The following NEU3 variants were observed in gnomAD, a reference collection of about 807,000 sequenced individuals.
The protein encoded by NEU3 is neuraminidase 3, also known as sialidase-3.
Under a neutral mutation model 11.4 loss-of-function variants are expected in NEU3, and 10 were observed. The observed-to-expected ratio is 0.88, with a 90% CI of 0.54 to 1.49. The LOEUF (loss-of-function observed/expected upper bound fraction) is 1.49, where lower values mean the gene tolerates loss of function less well. NEU3 is among the 40% of genes most tolerant of loss of function. The pLI, the probability that NEU3 is intolerant of heterozygous loss-of-function variation, is 0.00. For missense variants in NEU3, 529 were observed against 581.8 expected (o/e 0.91, Z 0.93); for synonymous variants, 212 against 228.2 (o/e 0.93, Z 0.64).
chr11:74,994,026 A>T (rs2140236839), intron 1 of NEU3, among the ~76,000 whole-genome samples: 1 of 152,322 alleles, frequency 6.6e-6, no homozygotes, highest in East Asian at 1.9e-4. Flanking sequence ...TAGGAAAAAA[A>T]AAAATTCTCC....
chr11:75,005,440 G>A lies in NEU3; in HGVS notation c.334G>A (p.Ala112Thr). The change falls in exon 3 of 3, where the codon GCC becomes ACC. Residue 112 changes from alanine to threonine, a missense_variant. Transcript: ENST00000294064. ...QWGPLKPLME[A>T]TLPGHRTMNP... ...GGGGCCCCTGAAGCCACTGATGGAA[G>A]CCACACTACCGGGGCATCGGACCAT... 1 of 1,612,250 alleles carries A rather than the reference G, an allele frequency of 6.2e-7. No homozygotes were observed. Among genetic ancestry groups the A allele is most frequent in the Non-Finnish European group, 8.5e-7 (1 of 1,178,758 alleles).
intron 2 of NEU3, 53 bp from the exon 3 acceptor site, chr11:75,005,360 T>C: frequency 6.8e-7 from 1 of 1,465,524 alleles, no homozygotes; most frequent in Non-Finnish European, 9.1e-7. Flanking sequence ...TTAATGAGCT[T>C]CATGTTTTCC....
Position 74,994,510 on chromosome 11 carries a change from G to A in NEU3, c.96G>A (p.Glu32=). The change falls in exon 2 of 3, where the codon GAG becomes GAA. Residue 32 remains glutamate, a splice_region_variant and synonymous_variant. Transcript: ENST00000294064. ...TETEEPGSSA[E]VMEEVTTCSF... is the part of the protein sequence containing the mutation. ...TTAAGCTTCCTTCTATCCTTGCAGA[G>A]GTCATGGAAGAAGTGACAACATGCT... The A allele has an allele frequency of 6.2e-7, 1 of 1,605,568 alleles. No individual in the cohort carries two copies. Among genetic ancestry groups the A allele is most frequent in the Non-Finnish European group, 8.5e-7 (1 of 1,174,934 alleles).
chr11:75,016,210 C>T (rs1262802473), intron 3 of NEU3, among the ~76,000 whole-genome samples: 1 of 152,204 alleles, frequency 6.6e-6, no homozygotes, highest in Admixed American at 6.5e-5. Flanking sequence ...TTGTACCCAT[C>T]ATCCAGACAA....
At chr11:74,994,345 G>T (rs949694726) in intron 1 of NEU3, among the ~76,000 whole-genome samples, 164 bp from the exon 2 acceptor site, 1 of 152,196 alleles carries the variant, frequency 6.6e-6, no homozygotes, top group Admixed American at 6.5e-5. Context: ...TATATTGCTT[G>T]CTTTGTGCTA....
rs963822880 is a variant in NEU3 at position 75,017,480 on chromosome 11, G to A, written c.*2-1211G>A. On this transcript the variant is annotated intron_variant, in intron 3 of 3. Transcript: ENST00000529024. ...GGCCTGAAATCCAGCCAAGAGTGGAGCTCCCAGCCCTTGCAATTATAAGGC... is the reference window on the plus strand; with the variant it reads ...GGCCTGAAATCCAGCCAAGAGTGGAACTCCCAGCCCTTGCAATTATAAGGC... Among the ~76,000 whole-genome samples the A allele has an allele frequency of 1.2e-4, 18 of 152,224 alleles. 2 individuals are homozygous for A. The highest frequency in any genetic ancestry group is 1.1e-3 in the Admixed American group (17 of 15,288).
chr11:74,996,796 T>C (rs1201689641), intron 2 of NEU3, among the ~76,000 whole-genome samples: 1 of 152,266 alleles, frequency 6.6e-6, no homozygotes, highest in Non-Finnish European at 1.5e-5. Flanking sequence ...ATCCGTGGGC[T>C]ACAGAATGGA....
Position 74,989,125 on chromosome 11 carries a change from C to T in NEU3, c.65C>T (p.Thr22Ile). ...EESPASSSAP[T>I]ETEEPGSSAE... The stretch of plus-strand genomic sequence containing the variant: ...TCCCCGGCGTCCAGCTCTGCCCCGA[C>T]AGAGACGGAGGAGCCGGGGTCCAGT... Residue 22 changes from threonine (T) to isoleucine (I), a missense_variant, in exon 1 of 3, where the codon ACA (threonine) becomes ATA (isoleucine). Thr to Ile is a moderately conservative substitution (Grantham distance 89). Coordinates refer to ENST00000294064, the MANE Select transcript of NEU3 (RefSeq NM_006656.6). 6.4e-7 allele frequency: 1 copy of T among 1,551,222 alleles called. No homozygotes were observed. The highest frequency in any genetic ancestry group is 1.4e-5 in the African/African-American group (1 of 73,160).
chr11:74,995,490 G>A (rs542571205), intron 2 of NEU3, among the ~76,000 whole-genome samples: 29 of 152,134 alleles, frequency 1.9e-4, no homozygotes, highest in Non-Finnish European at 3.8e-4. Flanking sequence ...ATAGGCATAC[G>A]TCGGAGATAT....
At chr11:75,000,271 C>A (rs1948829407) in intron 2 of NEU3, among the ~76,000 whole-genome samples, 1 of 152,106 alleles carries the variant, frequency 6.6e-6, no homozygotes, top group African/African-American at 2.4e-5. Context: ...ATTTTACCAT[C>A]CTAACCATTT....
At chr11:75,003,928 T>G (rs186416792) in intron 2 of NEU3, among the ~76,000 whole-genome samples, 80 of 152,176 alleles carry the variant, frequency 5.3e-4, no homozygotes, top group African/African-American at 1.8e-3. Context: ...TATCACTATA[T>G]ATGGAAAAAA....
chr11:74,982,231 A>G, the NEU3 span, among the ~76,000 whole-genome samples: 3 of 152,188 alleles, frequency 2.0e-5, no homozygotes, highest in African/African-American at 7.2e-5. Flanking sequence ...CGTTCTCCTT[A>G]TGGCCTACAC....
chr11:74,998,752 A>C (rs946602777), intron 2 of NEU3, among the ~76,000 whole-genome samples: 16 of 152,028 alleles, frequency 1.1e-4, no homozygotes, highest in Non-Finnish European at 1.9e-4. Flanking sequence ...GAAGTTTTTT[A>C]CTTTGTGGGA....
intron 1 of NEU3, 50 bp from the exon 2 acceptor site, chr11:74,994,459 G>A: frequency 4.9e-6 from 7 of 1,432,132 alleles, no homozygotes; most frequent in Non-Finnish European, 4.7e-6. Flanking sequence ...TTTATATGCA[G>A]GCCAGCATCT....
chr11:74,990,087 G>A (rs906069439), intron 1 of NEU3: 10 of 679,432 alleles, frequency 1.5e-5, no homozygotes, highest in Admixed American at 8.6e-5. Context: ...TGATAATAAA[G>A]CATAAATGAA....
upstream of NEU3, among the ~76,000 whole-genome samples, chr11:74,987,775 T>C (rs1025905034): frequency 6.6e-6 from 1 of 151,644 alleles, no homozygotes; most frequent in African/African-American, 2.4e-5. Flanking sequence ...ATGACGCCAC[T>C]GCACTCCAGC....
At position 74,994,394 on chromosome 11, in the gene NEU3, A is replaced by C. The variant is rs1257412874; in HGVS notation, c.95-115A>C. ...TTATTCTTGTATAAAGAAACATTTG[A>C]ATATATCTGTGCCCCCCCACCTTTG... On this transcript the variant is annotated intron_variant, in intron 1 of 2. Transcript: ENST00000294064. 3 of 675,860 alleles carry C rather than the reference A, an allele frequency of 4.4e-6. No homozygotes were observed. The African/African-American group carries it at 5.4e-5, about 12-fold the overall frequency. The allele number at this position is 675,860 out of a possible 1,614,324, so 41.9% of individuals were successfully genotyped here. A position where few individuals can be genotyped will look rare whatever the true frequency, so the allele number is the denominator to read the frequency against.
chr11:74,997,641 C>T (rs914898363), intron 2 of NEU3, among the ~76,000 whole-genome samples: 3 of 144,098 alleles, frequency 2.1e-5, no homozygotes, highest in Non-Finnish European at 4.5e-5. Context: ...GTCAGGAGTT[C>T]GAGACCAGCC....
intron 1 of NEU3, among the ~76,000 whole-genome samples, chr11:74,989,481 A>G (rs1290585111): frequency 6.6e-6 from 1 of 152,092 alleles, no homozygotes; most frequent in Non-Finnish European, 1.5e-5. Context: ...CTTGGTCCAG[A>G]TTTTACTGTG....
Sources: gnomAD v4.1 joint callset for allele counts (sites outside exome capture counted in the v4.1 genomes callset) on GRCh38, gnomAD v4.1.1 for gene constraint, MANE v1.5 for transcripts, NCBI Gene and HGNC (gene_info 2026-07-23, HGNC 2026-07-21) for gene names.